CTNND2: variants seen among roughly 807,000 people sequenced by gnomAD.
CTNND2 encodes the protein catenin delta 2, also known as catenin delta-2.
In CTNND2, 22 loss-of-function variants were observed where a neutral mutation model predicts 144.4. That is an observed-to-expected ratio of 0.15 (90% confidence interval 0.11 to 0.22). The LOEUF (loss-of-function observed/expected upper bound fraction) is 0.22, where lower values mean the gene tolerates loss of function less well. CTNND2 is among the 10% of genes least tolerant of loss of function. CTNND2 has a pLI of 1.00. For missense variants in CTNND2, 1,353 were observed against 1,618.8 expected (o/e 0.84, Z 2.82); for synonymous variants, 751 against 695.6 (o/e 1.08, Z -1.25).
intron 8 of CTNND2, 47 bp downstream of exon 8, chr5:11,364,649 G>A (rs750212865): frequency 1.5e-5 from 23 of 1,510,240 alleles, no homozygotes; most frequent in East Asian, 2.4e-5. Context: ...CCCGCGCAGA[G>A]CCCACCCCCT....
At chr5:11,852,099 CT>C (rs1163022527) in intron 1 of CTNND2, among the ~76,000 whole-genome samples, 2 of 152,110 alleles carry the variant, frequency 1.3e-5, no homozygotes, top group African/African-American at 4.8e-5. Flanking sequence ...TTCCTTCCCC[CT>C]TGTTCCTACC....
intron 1 of CTNND2, among the ~76,000 whole-genome samples, chr5:11,871,163 C>A (rs1392629650): frequency 6.6e-6 from 1 of 152,192 alleles, no homozygotes; most frequent in Non-Finnish European, 1.5e-5. Context: ...CATTCTCAGA[C>A]TACCAGCCCT....
chr5:11,054,932 G>A (rs1746200350), intron 16 of CTNND2, among the ~76,000 whole-genome samples: 1 of 152,044 alleles, frequency 6.6e-6, no homozygotes, highest in African/African-American at 2.4e-5. Context: ...ACTGTTCAAT[G>A]TTTGACTGAG....
intron 1 of CTNND2, among the ~76,000 whole-genome samples, chr5:11,838,521 C>G (rs547649172): frequency 1.2e-4 from 18 of 152,172 alleles, no homozygotes; most frequent in African/African-American, 4.1e-4. Flanking sequence ...TAGACATGGA[C>G]GTTGCTGGGG....
At chr5:11,058,574 G>A (rs895684185) in intron 16 of CTNND2, among the ~76,000 whole-genome samples, 7 of 152,304 alleles carry the variant, frequency 4.6e-5, no homozygotes, top group South Asian at 2.1e-4. Flanking sequence ...ACCTCTGCTC[G>A]GGCAGTGCGA....
intron 1 of CTNND2, among the ~76,000 whole-genome samples, chr5:11,755,926 A>T (rs986295075): frequency 2.0e-5 from 3 of 151,348 alleles, no homozygotes; most frequent in Non-Finnish European, 4.4e-5. Flanking sequence ...TCCTGTTCTG[A>T]ATTTTATGTC....
intron 7 of CTNND2, among the ~76,000 whole-genome samples, chr5:11,368,564 T>C (rs190935649): frequency 6.6e-6 from 1 of 152,340 alleles, no homozygotes; most frequent in Admixed American, 6.5e-5. Context: ...TTGGCTCTCA[T>C]TTCCATGTAC....
chr5:11,126,395 G>T (rs1337404912), intron 12 of CTNND2, among the ~76,000 whole-genome samples: 1 of 152,164 alleles, frequency 6.6e-6, no homozygotes, highest in Non-Finnish European at 1.5e-5. Context: ...ACTGTATTAT[G>T]TAATGTTTGG....
chr5:11,730,729 C>G (rs1787343454), intron 2 of CTNND2, among the ~76,000 whole-genome samples: 1 of 152,224 alleles, frequency 6.6e-6, no homozygotes, highest in African/African-American at 2.4e-5. Flanking sequence ...AGCTTTTCAA[C>G]AGAGGAGCAT....
intron 3 of CTNND2, among the ~76,000 whole-genome samples, chr5:11,439,244 G>A (rs984104627): frequency 1.3e-5 from 2 of 152,122 alleles, no homozygotes; most frequent in African/African-American, 4.8e-5. Context: ...TCACTGTTCA[G>A]CATGCTTGAA....
intron 2 of CTNND2, among the ~76,000 whole-genome samples, chr5:11,638,014 T>A (rs944049823): frequency 6.6e-6 from 1 of 152,194 alleles, no homozygotes; most frequent in Non-Finnish European, 1.5e-5. Flanking sequence ...TGGGAAAAGA[T>A]AACAGCCTCT....
chr5:11,418,070 A>G (rs1252967095), intron 3 of CTNND2, among the ~76,000 whole-genome samples: 1 of 152,014 alleles, frequency 6.6e-6, no homozygotes, highest in Non-Finnish European at 1.5e-5. Flanking sequence ...TCTGAACCTG[A>G]TCTAGTTTGA....
intron 9 of CTNND2, among the ~76,000 whole-genome samples, chr5:11,305,932 C>T (rs80167144): frequency 1.5e-3 from 223 of 152,266 alleles, no homozygotes; most frequent in African/African-American, 5.0e-3. Context: ...AGGTATTGCA[C>T]GGAGGTCTAT....
intron 16 of CTNND2, among the ~76,000 whole-genome samples, chr5:11,036,316 T>G (rs1744060494): frequency 6.6e-6 from 1 of 152,206 alleles, no homozygotes; most frequent in East Asian, 1.9e-4. Flanking sequence ...CAAGCTGAAG[T>G]TACGTCTTGT....
chr5:11,249,202 T>C (rs32065), intron 9 of CTNND2, among the ~76,000 whole-genome samples: 58,542 of 152,030 alleles, frequency 0.39, 11,752 homozygotes, highest in African/African-American at 0.49. Context: ...GGCCATGTGG[T>C]GTGGCATTCA....
intron 3 of CTNND2, among the ~76,000 whole-genome samples, chr5:11,529,563 T>A (rs1301319169): frequency 6.6e-6 from 1 of 152,222 alleles, no homozygotes; most frequent in Non-Finnish European, 1.5e-5. Context: ...CATGGGAAGA[T>A]AATCAAATAA....
intron 2 of CTNND2, among the ~76,000 whole-genome samples, chr5:11,584,430 G>T (rs568357333): frequency 6.9e-5 from 10 of 145,842 alleles, no homozygotes; most frequent in African/African-American, 2.0e-4. Context: ...TTTTTTGGGG[G>T]GGGGGAGGAG....
intron 2 of CTNND2, among the ~76,000 whole-genome samples, chr5:11,718,002 C>T (rs75076178): frequency 0.027 from 4,163 of 152,148 alleles, 192 homozygotes; most frequent in African/African-American, 0.095. Flanking sequence ...TAAAATAGTC[C>T]AATGGCAATA....
chr5:11,685,781 A>G (rs1784621036), intron 2 of CTNND2, among the ~76,000 whole-genome samples: 2 of 152,202 alleles, frequency 1.3e-5, no homozygotes, highest in Admixed American at 6.5e-5. Flanking sequence ...CCTCACAGTA[A>G]ACCTATGTGA....
Sources: gnomAD v4.1 joint callset for allele counts (sites outside exome capture counted in the v4.1 genomes callset) on GRCh38, gnomAD v4.1.1 for gene constraint, MANE v1.5 for transcripts, NCBI Gene and HGNC (gene_info 2026-07-23, HGNC 2026-07-21) for gene names.